Variants in BTG4 observed in about 807,000 individuals in gnomAD.
The protein encoded by BTG4 is BTG anti-proliferation factor 4.
In BTG4, 10 loss-of-function variants were observed where a neutral mutation model predicts 19.3. The ratio of observed to expected loss-of-function variants is 0.52; its 90% CI spans 0.32 to 0.88. BTG4 has a LOEUF of 0.88. Among genes scored for constraint, BTG4 ranks in the 40% least tolerant of loss-of-function variants. The pLI is 0.04. For missense variants in BTG4, 238 were observed against 281.9 expected (o/e 0.84, Z 1.11); for synonymous variants, 91 against 95.7 (o/e 0.95, Z 0.29).
chr11:111,514,594 G>T, upstream of BTG4: 1 of 598,932 alleles, frequency 1.7e-6, no homozygotes, highest in East Asian at 2.8e-5. Flanking sequence ...GATTTGGACT[G>T]GTCCTAAAAC....
At chr11:111,492,635 C>T (rs1865488966), downstream of BTG4, among the ~76,000 whole-genome samples, 1 of 152,156 alleles carries the variant, frequency 6.6e-6, no homozygotes, top group African/African-American at 2.4e-5. Flanking sequence ...GGTATCTGTA[C>T]TCTGAAAACT....
intron 1 of BTG4, among the ~76,000 whole-genome samples, chr11:111,501,970 G>A (rs527619945): frequency 1.3e-5 from 2 of 152,178 alleles, no homozygotes; most frequent in South Asian, 4.2e-4. Flanking sequence ...GTGAAAGTAG[G>A]ACCTTAATAA....
chr11:111,511,722 A>G (rs1866933702), intron 1 of BTG4, among the ~76,000 whole-genome samples: 2 of 152,172 alleles, frequency 1.3e-5, no homozygotes, highest in Admixed American at 1.3e-4. Context: ...CTTTTGCCCA[A>G]CTGTCACAAG....
chr11:111,401,407 A>G, the BTG4 span, among the ~76,000 whole-genome samples: 4 of 151,856 alleles, frequency 2.6e-5, no homozygotes, highest in African/African-American at 7.3e-5. Flanking sequence ...GCGTGAACCC[A>G]GGAGACAGAG....
the BTG4 span, among the ~76,000 whole-genome samples, chr11:111,437,398 C>A: frequency 6.6e-6 from 1 of 152,156 alleles, no homozygotes; most frequent in Non-Finnish European, 1.5e-5. Context: ...TCCAGGGACT[C>A]CTGCCAGGAA....
chr11:111,390,902 T>C, the BTG4 span, among the ~76,000 whole-genome samples: 1 of 152,216 alleles, frequency 6.6e-6, no homozygotes, highest in Non-Finnish European at 1.5e-5. Context: ...CCAGGCAGAT[T>C]GCTAAGCTGA....
At chr11:111,442,460 C>T in the BTG4 span, among the ~76,000 whole-genome samples, 2 of 151,680 alleles carry the variant, frequency 1.3e-5, no homozygotes, top group East Asian at 3.9e-4. Flanking sequence ...AAGATCGAGT[C>T]ACTGCACTCC....
the BTG4 span, among the ~76,000 whole-genome samples, chr11:111,426,606 G>T: frequency 1.4e-5 from 2 of 138,300 alleles, no homozygotes; most frequent in South Asian, 4.7e-4. Context: ...ATGCTCCAGA[G>T]ATCCTGACTC....
chr11:111,488,669 TAGG>T (rs986582081), intron 5 of BTG4, among the ~76,000 whole-genome samples: 3 of 151,814 alleles, frequency 2.0e-5, no homozygotes, highest in Non-Finnish European at 4.4e-5. Flanking sequence ...ACTCACAGAA[TAGG>T]AGAAGATATT....
chr11:111,391,844 A>G, the BTG4 span, among the ~76,000 whole-genome samples: 2 of 152,096 alleles, frequency 1.3e-5, no homozygotes, highest in African/African-American at 2.4e-5. Flanking sequence ...GGTTAGAGAG[A>G]GTCTTTCTAA....
downstream of BTG4, among the ~76,000 whole-genome samples, chr11:111,492,543 A>G (rs1865486010): frequency 6.6e-6 from 1 of 152,222 alleles, no homozygotes; most frequent in African/African-American, 2.4e-5. Context: ...ATTATATATT[A>G]GGCAAGCATT....
At chr11:111,411,010 A>T in the BTG4 span, among the ~76,000 whole-genome samples, 1 of 152,174 alleles carries the variant, frequency 6.6e-6, no homozygotes, top group East Asian at 1.9e-4. Flanking sequence ...ACACTAGCCT[A>T]AGCTATCATC....
the BTG4 span, among the ~76,000 whole-genome samples, chr11:111,428,529 G>A: frequency 6.6e-6 from 1 of 152,132 alleles, no homozygotes; most frequent in Non-Finnish European, 1.5e-5. Context: ...ATCTCCCCAG[G>A]GGAGCAGACT....
intron 5 of BTG4, chr11:111,467,751 T>C (rs1863807065): frequency 1.4e-6 from 1 of 732,300 alleles, no homozygotes; most frequent in Non-Finnish European, 2.5e-6. Context: ...AATCCTGACA[T>C]ATTTTATTCC....
chr11:111,435,758 A>G, the BTG4 span, among the ~76,000 whole-genome samples: 2 of 152,198 alleles, frequency 1.3e-5, no homozygotes, highest in Non-Finnish European at 2.9e-5. Flanking sequence ...CCCCAGGGTG[A>G]GGCCACAGCC....
chr11:111,430,737 G>A, the BTG4 span, among the ~76,000 whole-genome samples: 2 of 152,232 alleles, frequency 1.3e-5, no homozygotes, highest in South Asian at 4.2e-4. Context: ...CCCAGATGAG[G>A]AAACTGAGAC....
the BTG4 span, among the ~76,000 whole-genome samples, chr11:111,420,568 G>A: frequency 0.92 from 140,227 of 152,300 alleles, 64,899 homozygotes; most frequent in East Asian, 1. Context: ...AGCCTCAAAA[G>A]TCACAGGAGC....
chr11:111,492,280 C>A (rs542166427), downstream of BTG4, among the ~76,000 whole-genome samples: 1 of 152,310 alleles, frequency 6.6e-6, no homozygotes, highest in South Asian at 2.1e-4. Flanking sequence ...ATTAATAAAA[C>A]CCTCTGTGTA....
the BTG4 span, among the ~76,000 whole-genome samples, chr11:111,413,888 T>C: frequency 6.6e-6 from 1 of 152,182 alleles, no homozygotes; most frequent in African/African-American, 2.4e-5. Context: ...CCTGAATCCA[T>C]CCAGAAAACA....
Sources: gnomAD v4.1 joint callset for allele counts (sites outside exome capture counted in the v4.1 genomes callset) on GRCh38, gnomAD v4.1.1 for gene constraint, MANE v1.5 for transcripts, NCBI Gene and HGNC (gene_info 2026-07-23, HGNC 2026-07-21) for gene names.